Variants in AK8 observed in about 807,000 individuals in gnomAD.
The protein encoded by AK8 is adenylate kinase 8.
Under a neutral mutation model 54.6 loss-of-function variants are expected in AK8, and 44 were observed. The ratio of observed to expected loss-of-function variants is 0.81; its 90% CI spans 0.63 to 1.04. AK8 has a LOEUF of 1.04. Among genes scored for constraint, AK8 ranks in the 50% least tolerant of loss-of-function variants. AK8 has a pLI of 0.00. For synonymous variants in AK8, 239 were observed against 245.6 expected, an observed-to-expected ratio of 0.97 and a Z score of 0.25; for missense variants, 555 against 613.6, an observed-to-expected ratio of 0.90 and a Z score of 1.01.
At chr9:132,740,063 G>A (rs1837297697) in intron 11 of AK8, among the ~76,000 whole-genome samples, 4 of 152,194 alleles carry the variant, frequency 2.6e-5, no homozygotes, top group South Asian at 2.1e-4. Context: ...CCAACATGGC[G>A]TCCTTAAATG....
rs1206975861 is a variant in AK8 at position 132,823,290 on chromosome 9, G to A, written c.804C>T (p.Thr268=). ...QSNHRTNAPF[T]PRVLLLGPVG... ...CAGGCCCGAGCAGCAGCACCCTCGG[G>A]GTGAACGGGGCATTAGTACGATGGT... The change falls in exon 9 of 13, where the codon ACC becomes ACT. Residue 268 remains threonine, a synonymous_variant. Coordinates refer to ENST00000298545, the MANE Select transcript of AK8 (RefSeq NM_152572.3). 6.2e-7 allele frequency: 1 copy of A among 1,613,732 alleles called. No individual in the cohort carries two copies. The highest frequency in any genetic ancestry group is 1.7e-4 in the Middle Eastern group (1 of 6,060).
At chr9:132,870,474 T>C (rs1334136860) in intron 2 of AK8, among the ~76,000 whole-genome samples, 3 of 152,352 alleles carry the variant, frequency 2.0e-5, no homozygotes, top group Non-Finnish European at 2.9e-5. Flanking sequence ...CCTTAGGTAT[T>C]GGAGCTCTAA....
In AK8 at chr9:132,837,879, C is replaced by T. The variant is rs1031394848; in HGVS notation, c.403-9153G>A. Reference sequence around the variant, plus strand: ...CTGCCTCGCCGTGATGCGGGCCATACGTTTCCTGAGTGGAACTCAGACCTC... The same window carrying T: ...CTGCCTCGCCGTGATGCGGGCCATATGTTTCCTGAGTGGAACTCAGACCTC... On this transcript the variant is annotated intron_variant, in intron 5 of 12. Coordinates refer to ENST00000298545, the MANE Select transcript of AK8 (RefSeq NM_152572.3). The surrounding 1 kb of genome is among the most constrained non-coding windows in gnomAD (Gnocchi z 4.3). 1.3e-5 allele frequency among the ~76,000 whole-genome samples: 2 copies of T among 152,222 alleles called. No homozygotes were observed. Among genetic ancestry groups the T allele is most frequent in the African/African-American group, 4.8e-5 (2 of 41,454 alleles).
intron 5 of AK8, among the ~76,000 whole-genome samples, chr9:132,841,609 G>A (rs1183586912): frequency 1.3e-5 from 2 of 152,156 alleles, no homozygotes; most frequent in African/African-American, 2.4e-5. Context: ...CCTCTGCGTG[G>A]TGGCCTGTAA....
chr9:132,795,299 T>C (rs1840110771), intron 10 of AK8, among the ~76,000 whole-genome samples: 1 of 150,848 alleles, frequency 6.6e-6, no homozygotes, highest in African/African-American at 2.5e-5. Context: ...GCTCCAAGAG[T>C]CACAGTGTTG....
At chr9:132,778,906 G>C (rs759166529) in intron 11 of AK8, among the ~76,000 whole-genome samples, 9 of 150,048 alleles carry the variant, frequency 6.0e-5, no homozygotes, top group Non-Finnish European at 1.3e-4. Flanking sequence ...GGCTCGATGG[G>C]GTCCTGAACA....
chr9:132,878,284 TA>T, upstream of AK8: 4 of 1,336,852 alleles, frequency 3.0e-6, no homozygotes, highest in Non-Finnish European at 3.9e-6. The surrounding 1 kb of genome is among the most constrained non-coding windows in gnomAD (Gnocchi z 4.7). Context: ...CGCTCCCTAG[TA>T]ACCGCGTCGC....
intron 10 of AK8, among the ~76,000 whole-genome samples, chr9:132,802,390 C>T (rs1262236942): frequency 1.3e-5 from 2 of 152,194 alleles, no homozygotes; most frequent in African/African-American, 4.8e-5. Flanking sequence ...GCTCTGTGAA[C>T]AGATTCAGAC....
At chr9:132,852,835 C>T (rs942345896) in intron 5 of AK8, among the ~76,000 whole-genome samples, 6 of 148,106 alleles carry the variant, frequency 4.1e-5, no homozygotes, top group Non-Finnish European at 7.4e-5. Context: ...AAGACTGGAG[C>T]CTCAGGGACC....
intron 5 of AK8, among the ~76,000 whole-genome samples, chr9:132,849,955 C>G (rs1588210870): frequency 6.6e-6 from 1 of 151,976 alleles, no homozygotes; most frequent in African/African-American, 2.4e-5. Flanking sequence ...CCATGTTGGC[C>G]AGGCTGGTCT....
At chr9:132,871,556 G>C (rs1310183766) in intron 2 of AK8, among the ~76,000 whole-genome samples, 2 of 152,232 alleles carry the variant, frequency 1.3e-5, no homozygotes, top group African/African-American at 4.8e-5. Flanking sequence ...GACTCCCTGA[G>C]AGCATCCGGG....
intron 11 of AK8, among the ~76,000 whole-genome samples, chr9:132,737,419 G>C (rs58297604): frequency 9.7e-4 from 147 of 152,194 alleles, no homozygotes; most frequent in Middle Eastern, 3.4e-3. Flanking sequence ...CCAAAAACCA[G>C]ACAAAGACAT....
At position 132,799,341 on chromosome 9, in the gene AK8, A is replaced by T. The variant is rs145503108; in HGVS notation, c.980-6566T>A. Among the ~76,000 whole-genome samples, 42 of 152,312 alleles carry T rather than the reference A, an allele frequency of 2.8e-4. No individual in the cohort carries two copies. The highest frequency in any genetic ancestry group is 8.9e-4 in the African/African-American group (37 of 41,556). ...ATAGCTCCTTCAGCCAGTGGCTTAA[A>T]GATAAAAAACATGCTAAGGTTGATT... On this transcript the variant is annotated intron_variant, in intron 10 of 12. Transcript: ENST00000298545. This position sits in a 1 kb window ranked among gnomAD's most constrained non-coding sequence, Gnocchi z 5.0.
At position 132,826,439 on chromosome 9, in the gene AK8, G is replaced by C. The variant is rs1205029855; in HGVS notation, c.757+415C>G. On this transcript the variant is annotated intron_variant, in intron 8 of 12. Coordinates refer to ENST00000298545, the MANE Select transcript of AK8 (RefSeq NM_152572.3). This position sits in a 1 kb window ranked among gnomAD's most constrained non-coding sequence, Gnocchi z 4.5. Reference sequence around the variant, plus strand: ...CATACCACCTGTGCTGTGTGTGTGTGTTTTATTGTGTTGTGTGTGGTGGTG... The same window carrying C: ...CATACCACCTGTGCTGTGTGTGTGTCTTTTATTGTGTTGTGTGTGGTGGTG... Among the ~76,000 whole-genome samples, 2 of 152,222 alleles carry C rather than the reference G, an allele frequency of 1.3e-5. No individual in the cohort carries two copies. The highest frequency in any genetic ancestry group is 3.8e-4 in the East Asian group (2 of 5,196).
At chr9:132,878,615 C>G (rs767755519), upstream of AK8, 2 of 1,072,892 alleles carry the variant, frequency 1.9e-6, no homozygotes, top group African/African-American at 3.3e-5. This position sits in a 1 kb window ranked among gnomAD's most constrained non-coding sequence, Gnocchi z 4.7. Context: ...TCTGTCAGTG[C>G]TCCCCGGCCC....
At chr9:132,825,387 G>C (rs989836590) in intron 8 of AK8, among the ~76,000 whole-genome samples, 1 of 151,868 alleles carries the variant, frequency 6.6e-6, no homozygotes, top group African/African-American at 2.4e-5. Flanking sequence ...CTTTATGAAC[G>C]ATCATATGAA....
chr9:132,865,897 T>C lies in AK8; in HGVS notation c.219+1007A>G, dbSNP rs1843575413. 3.3e-5 allele frequency among the ~76,000 whole-genome samples: 5 copies of C among 150,384 alleles called. No individual in the cohort carries two copies. In the East Asian group the frequency reaches 6.0e-4, roughly 18 times the overall value. ...GAATGAAATTTTAACACATTTTTGG[T>C]ACTTAAAAATGGACCTTAGGCTGGG... On this transcript the variant is annotated intron_variant, in intron 3 of 12. Coordinates refer to ENST00000298545, the MANE Select transcript of AK8 (RefSeq NM_152572.3).
intron 11 of AK8, among the ~76,000 whole-genome samples, chr9:132,787,520 T>A (rs1385137472): frequency 6.6e-6 from 1 of 152,100 alleles, no homozygotes; most frequent in Non-Finnish European, 1.5e-5. Flanking sequence ...CCAACAAGTA[T>A]GAAGATAGAA....
intron 10 of AK8, among the ~76,000 whole-genome samples, chr9:132,809,588 T>C (rs981078296): frequency 3.8e-4 from 58 of 152,186 alleles, no homozygotes; most frequent in Non-Finnish European, 3.1e-4. Context: ...AGTATGGCCA[T>C]ACAATGGGTG....
Sources: gnomAD v4.1 joint callset for allele counts (sites outside exome capture counted in the v4.1 genomes callset) on GRCh38, gnomAD v4.1.1 for gene constraint, Gnocchi (gnomAD v3.1) non-coding constraint, MANE v1.5 for transcripts, NCBI Gene and HGNC (gene_info 2026-07-23, HGNC 2026-07-21) for gene names.